Variants in TBCD observed in about 807,000 individuals in gnomAD.
The protein encoded by TBCD is tubulin folding cofactor D.
TBCD carries 105 observed loss-of-function variants against 169.3 expected under a neutral mutation model. That is an observed-to-expected ratio of 0.62 (90% confidence interval 0.53 to 0.73). The LOEUF is 0.73. TBCD is among the 30% of genes least tolerant of loss of function. TBCD has a pLI of 0.00. For synonymous variants in TBCD, 700 were observed against 643.9 expected, an observed-to-expected ratio of 1.09 and a Z score of -1.32; for missense variants, 1,444 against 1,600.1, an observed-to-expected ratio of 0.90 and a Z score of 1.66.
chr17:82,836,710 A>C (rs1026224501), intron 13 of TBCD, among the ~76,000 whole-genome samples: 5 of 152,024 alleles, frequency 3.3e-5, no homozygotes, highest in East Asian at 1.9e-4. Context: ...AAAACAAAAC[A>C]AAACCAAAAA....
intron 17 of TBCD, among the ~76,000 whole-genome samples, chr17:82,894,838 G>A (rs1341226471): frequency 3.3e-5 from 5 of 152,176 alleles, no homozygotes; most frequent in African/African-American, 1.2e-4. Flanking sequence ...TTAGCCAGGC[G>A]TGGTGGCGGG....
In TBCD at chr17:82,806,949, A is replaced by T. The variant is rs1295679682; in HGVS notation, c.1088-659A>T. Among the ~76,000 whole-genome samples, 2 of 151,964 alleles carry T rather than the reference A, an allele frequency of 1.3e-5. No individual in the cohort carries two copies. Among genetic ancestry groups the T allele is most frequent in the African/African-American group, 4.8e-5 (2 of 41,374 alleles). On this transcript the variant is annotated intron_variant, in intron 10 of 38. Coordinates refer to ENST00000355528, the MANE Select transcript of TBCD (RefSeq NM_005993.5). This position sits in a 1 kb window ranked among gnomAD's most constrained non-coding sequence, Gnocchi z 5.1. ...CGTGTCCGCAGCCTGCCCCAGGTTC[A>T]TTCCCGTCTCCCACCCGCTGCAGGC...
In TBCD at chr17:82,930,185, T is replaced by C. The variant is rs559935248; in HGVS notation, c.2992-337T>C. 1 of 337,826 alleles carries C rather than the reference T, an allele frequency of 3.0e-6. No homozygotes were observed. The highest frequency in any genetic ancestry group is 2.1e-5 in the African/African-American group (1 of 46,588). The allele number at this position is 337,826 out of a possible 1,614,324, so 20.9% of individuals were successfully genotyped here. On this transcript the variant is annotated intron_variant, in intron 32 of 38. Transcript: ENST00000355528. The surrounding 1 kb of genome is among the most constrained non-coding windows in gnomAD (Gnocchi z 5.2). Reference sequence around the variant, plus strand: ...AGCGGGGCCCCGAGACATTCTGCACTCGGGAATTGCGGGGATTATCAAATC... The same window carrying C: ...AGCGGGGCCCCGAGACATTCTGCACCCGGGAATTGCGGGGATTATCAAATC...
At chr17:82,838,569 C>A in intron 13 of TBCD, 1 of 833,368 alleles carries the variant, frequency 1.2e-6, no homozygotes, top group Non-Finnish European at 1.4e-6. Context: ...TGTTGCATAA[C>A]TCAAGGACAC....
intron 14 of TBCD, among the ~76,000 whole-genome samples, chr17:82,882,039 G>A (rs996499309): frequency 3.3e-5 from 5 of 152,120 alleles, no homozygotes; most frequent in African/African-American, 1.2e-4. Flanking sequence ...GGCCTCTCCT[G>A]GGGCTCCTGG....
intron 13 of TBCD, among the ~76,000 whole-genome samples, chr17:82,865,165 C>CT (rs140063745): frequency 0.23 from 35,057 of 151,176 alleles, 4,298 homozygotes; most frequent in East Asian, 0.42. Context: ...TCAACACTGG[C>CT]GTTTTTTTTT....
chr17:82,818,378 C>T (rs1223243621), intron 13 of TBCD, among the ~76,000 whole-genome samples: 3 of 152,208 alleles, frequency 2.0e-5, no homozygotes, highest in Non-Finnish European at 4.4e-5. Flanking sequence ...CAGGAGGTGA[C>T]AGGGCTGACA....
rs898337660 is a variant in TBCD at position 82,789,501 on chromosome 17, G to A, written c.771+7780G>A. 6.6e-6 allele frequency among the ~76,000 whole-genome samples: 1 copy of A among 152,234 alleles called. No homozygotes were observed. The highest frequency in any genetic ancestry group is 2.4e-5 in the African/African-American group (1 of 41,468). On this transcript the variant is annotated intron_variant, in intron 7 of 38. Coordinates refer to ENST00000355528, the MANE Select transcript of TBCD (RefSeq NM_005993.5). The surrounding 1 kb of genome is among the most constrained non-coding windows in gnomAD (Gnocchi z 4.8). Reference sequence around the variant, plus strand: ...AGAGACAGGCAGAGAGCTGGGCTGGGCTGCTGCTGAGTGGGCTAGAGCTGG... The same window carrying A: ...AGAGACAGGCAGAGAGCTGGGCTGGACTGCTGCTGAGTGGGCTAGAGCTGG...
At position 82,806,086 on chromosome 17, in the gene TBCD, T is replaced by G. The variant is rs1270728052; in HGVS notation, c.1087+75T>G. The stretch of plus-strand genomic sequence containing the variant: ...ATTCCCCTCTACTCCAGGACCACAC[T>G]TCCTTCTTCCTTGCTGGTGCCGGCA... On this transcript the variant is annotated intron_variant, in intron 10 of 38. Coordinates refer to ENST00000355528, the MANE Select transcript of TBCD (RefSeq NM_005993.5). This position sits in a 1 kb window ranked among gnomAD's most constrained non-coding sequence, Gnocchi z 5.1. The G allele has an allele frequency of 3.2e-6, 5 of 1,558,364 alleles. No homozygotes were observed. In the Admixed American group the frequency reaches 9.0e-5, roughly 28 times the overall value.
At chr17:82,891,708 C>A (rs1224502588) in intron 16 of TBCD, among the ~76,000 whole-genome samples, 6 of 151,228 alleles carry the variant, frequency 4.0e-5, no homozygotes, top group Admixed American at 3.3e-4. Context: ...CAGTGGAGGC[C>A]GCTGGGTAAC....
intron 7 of TBCD, among the ~76,000 whole-genome samples, chr17:82,793,720 C>T (rs1305405005): frequency 6.6e-6 from 1 of 152,198 alleles, no homozygotes; most frequent in East Asian, 1.9e-4. Flanking sequence ...GTTAAAGATC[C>T]TCTTCCGTGC....
At position 82,781,643 on chromosome 17, in the gene TBCD, G is replaced by A. The variant is rs539682839; in HGVS notation, c.693G>A (p.Trp231Ter). 6.2e-7 allele frequency: 1 copy of A among 1,613,852 alleles called. No individual in the cohort carries two copies. The highest frequency in any genetic ancestry group is 1.1e-5 in the South Asian group (1 of 91,084). The change falls in exon 7 of 39, where the codon TGG (tryptophan) becomes TGA (stop). Residue 231 changes from tryptophan to a stop codon, truncating the protein, a stop_gained. Transcript: ENST00000355528. LOFTEE classifies it high-confidence loss of function. ...GCAAGATGGCTGAGTTCCTGGACTGGAGCCTGTGCAATCTGGCCCGTTCCT... is the reference window on the plus strand; with the variant it reads ...GCAAGATGGCTGAGTTCCTGGACTGAAGCCTGTGCAATCTGGCCCGTTCCT... ...KQSKMAEFLD[W>*]SLCNLARSSF...
rs1567888314 is a variant in TBCD, at chr17:82,850,250, G to GC, written c.1319-19974_1319-19973insC. Among the ~76,000 whole-genome samples the GC allele has an allele frequency of 1.2e-3, 177 of 144,178 alleles. 8 individuals carry two copies. The highest frequency in any genetic ancestry group is 2.2e-3 in the Admixed American group (31 of 14,222). The allele number at this position is 144,178 out of a possible 152,430, so 94.6% of individuals were successfully genotyped here. On this transcript the variant is annotated intron_variant, in intron 13 of 38. Transcript: ENST00000355528. ...TGGCTGTGCTGCTGTTGGCTGTGCT[G>GC]TTGTTGGCTGTGTTGTTGTTGGCTG...
Position 82,940,271 on chromosome 17 carries a change from AC to A in TBCD, c.3479+799del, listed in dbSNP as rs796765960. On this transcript the variant is annotated intron_variant, in intron 37 of 38. Coordinates refer to ENST00000355528, the MANE Select transcript of TBCD (RefSeq NM_005993.5). ...CTTCTAAAAGGGGAGCAGTCTCGTC[AC>A]CCCGTGTTGGAGATCAGGACTGAAG... is the stretch of plus-strand genomic sequence containing the variant. 5.8e-4 allele frequency among the ~76,000 whole-genome samples: 86 copies of A among 149,546 alleles called. 1 individual carries two copies. The Middle Eastern group carries it at 0.01, about 18-fold the overall frequency.
chr17:82,925,140 C>T (rs758328700), intron 27 of TBCD, 83 bp downstream of exon 27: 201 of 1,075,198 alleles, frequency 1.9e-4, no homozygotes, highest in East Asian at 5.0e-4. Context: ...TAGGCCCAGC[C>T]GTTAATAAAC....
chr17:82,808,134 G>A (rs868670513), intron 11 of TBCD, among the ~76,000 whole-genome samples: 6 of 152,282 alleles, frequency 3.9e-5, no homozygotes, highest in Non-Finnish European at 4.4e-5. Context: ...AGTGGAGGTC[G>A]TGGGGCAGAT....
chr17:82,901,003 C>T (rs997567883), intron 18 of TBCD, among the ~76,000 whole-genome samples: 2 of 152,234 alleles, frequency 1.3e-5, no homozygotes, highest in Non-Finnish European at 2.9e-5. Flanking sequence ...GTGCCGCTGC[C>T]GTCCGAGGGG....
chr17:82,890,568 G>GT lies in TBCD; in HGVS notation c.1563+871_1563+872insT, dbSNP rs2059058865. Among the ~76,000 whole-genome samples, 1 of 152,202 alleles carries GT rather than the reference G, an allele frequency of 6.6e-6. No homozygotes were observed. The highest frequency in any genetic ancestry group is 6.5e-5 in the Admixed American group (1 of 15,284). On this transcript the variant is annotated intron_variant, in intron 16 of 38. Transcript: ENST00000355528. This position sits in a 1 kb window ranked among gnomAD's most constrained non-coding sequence, Gnocchi z 5.3. ...GAAAAGCCGGATGCCAGAGTCAGCT[G>GT]GAGAGGCGGGCGGACGAGGACTTGC...
intron 7 of TBCD, among the ~76,000 whole-genome samples, chr17:82,794,332 A>G (rs1428605119): frequency 2.0e-5 from 3 of 152,136 alleles, no homozygotes; most frequent in Non-Finnish European, 4.4e-5. Flanking sequence ...GCGGGTTAGG[A>G]TGATTGCTGA....
Sources: allele counts gnomAD v4.1 joint callset (sites outside exome capture counted in the v4.1 genomes callset), GRCh38; gene constraint gnomAD v4.1.1; non-coding constraint Gnocchi (gnomAD v3.1); transcripts MANE v1.5; gene names NCBI Gene and HGNC (gene_info 2026-07-23, HGNC 2026-07-21).